The following CCDC9 variants were observed in gnomAD, a reference collection of about 807,000 sequenced individuals.
CCDC9 encodes coiled-coil domain containing 9, also known as coiled-coil domain-containing protein 9.
In CCDC9, 52 loss-of-function variants were observed where a neutral mutation model predicts 65.6. The ratio of observed to expected loss-of-function variants is 0.79; its 90% confidence interval spans 0.63 to 1.00. The LOEUF (loss-of-function observed/expected upper bound fraction) is 1.00. Among genes scored for constraint, CCDC9 ranks in the 50% least tolerant of loss-of-function variants. The pLI, the probability that CCDC9 is intolerant of heterozygous loss-of-function variation, is 0.00. For synonymous variants in CCDC9, 332 were observed against 280.3 expected (o/e 1.18, Z -1.84); for missense variants, 834 against 757.2 (o/e 1.10, Z -1.19).
chr19:47,262,969 C>T (rs2059055522), intron 5 of CCDC9, among the ~76,000 whole-genome samples: 1 of 151,604 alleles, frequency 6.6e-6, no homozygotes, highest in Non-Finnish European at 1.5e-5. Context: ...CCCTGTGGTC[C>T]CAGCTACTTA....
chr19:47,260,494 GCCCCCAGCTGTCCTGCAC>G (rs2059037705), intron 4 of CCDC9, 72 bp downstream of exon 4: 2 of 1,603,414 alleles, frequency 1.2e-6, no homozygotes, highest in Non-Finnish European at 1.7e-6. Flanking sequence ...GGACCCAGGA[GCCCCCAGCTGTCCTGCAC>G]CAGTGGGTGG....
At chr19:47,262,312 G>A (rs1170539561) in intron 5 of CCDC9, among the ~76,000 whole-genome samples, 1 of 150,306 alleles carries the variant, frequency 6.7e-6, no homozygotes, top group Non-Finnish European at 1.5e-5. Flanking sequence ...CGCCTCCTGG[G>A]TTCAAGCAAT....
rs201293674 is a variant in CCDC9, at chr19:47,271,455, C to G, written c.1373C>G (p.Thr458Ser). 1.9e-6 allele frequency: 3 copies of G among 1,613,824 alleles called. No homozygotes were observed. The highest frequency in any genetic ancestry group is 2.7e-5 in the African/African-American group (2 of 75,032). Residue 458 changes from threonine (T) to serine (S), a missense_variant, in exon 12 of 12, where the codon ACC (threonine) becomes AGC (serine). Coordinates refer to ENST00000221922, the MANE Select transcript of CCDC9 (RefSeq NM_015603.3). ...QDHQAPEAAPTGIPCSEQAHG... is the reference protein window; with the variant it reads ...QDHQAPEAAPSGIPCSEQAHG... ...CACCAAGCCCCAGAGGCTGCCCCCA[C>G]CGGGATCCCCTGCAGTGAGCAGGCC...
At chr19:47,257,191 GC>G (rs1310736534) in intron 1 of CCDC9, among the ~76,000 whole-genome samples, 1 of 152,004 alleles carries the variant, frequency 6.6e-6, no homozygotes, top group African/African-American at 2.4e-5. Flanking sequence ...CATGGGCGGG[GC>G]CAGATGCTGA....
At chr19:47,261,425 T>C (rs1318661957) in intron 5 of CCDC9, among the ~76,000 whole-genome samples, 1 of 151,906 alleles carries the variant, frequency 6.6e-6, no homozygotes. Context: ...AGGGTGGGAG[T>C]CTGTCTAGCT....
At chr19:47,273,866 CTGGGTCGCTGTGCT>C, downstream of CCDC9, 1 of 536,130 alleles carries the variant, frequency 1.9e-6, no homozygotes, top group Non-Finnish European at 2.4e-6. Flanking sequence ...AGGGGGCAGG[CTGGGTCGCTGTGCT>C]TGGCGGGCTT....
intron 10 of CCDC9, 47 bp from the exon 11 acceptor site, chr19:47,271,035 C>T: frequency 7.2e-7 from 1 of 1,396,534 alleles, no homozygotes; most frequent in Non-Finnish European, 9.8e-7. Context: ...CCCCTTCCTC[C>T]TGTCTACTCT....
At chr19:47,275,534 T>C (rs1465025834), downstream of CCDC9, 6 of 789,694 alleles carry the variant, frequency 7.6e-6, no homozygotes, top group African/African-American at 1.1e-4. Flanking sequence ...TTGCAGCTAC[T>C]CTGTGGTCAG....
At position 47,267,806 on chromosome 19, in the gene CCDC9, A is replaced by G. The variant is rs546656535; in HGVS notation, c.902+1014A>G. 1.9e-4 allele frequency among the ~76,000 whole-genome samples: 28 copies of G among 151,018 alleles called. No individual in the cohort carries two copies. In the South Asian group the frequency reaches 3.8e-3, roughly 20 times the overall value. On this transcript the variant is annotated intron_variant, in intron 8 of 11. Coordinates refer to ENST00000221922, the MANE Select transcript of CCDC9 (RefSeq NM_015603.3). ...GCCAGCCTCTGACCTGTCCCCAGCA[A>G]CTCAGATCCCTGAATGTCTCCATGC...
chr19:47,256,536 C>T lies in CCDC9; in HGVS notation c.-145C>T, dbSNP rs565970591. 1 of 152,608 alleles carries T rather than the reference C, an allele frequency of 6.6e-6. No homozygotes were observed. Among genetic ancestry groups the T allele is most frequent in the South Asian group, 2.0e-4 (1 of 4,896 alleles). 9.5% of individuals were successfully genotyped at this position (152,608 alleles called of 1,614,324 possible). A position where few individuals can be genotyped will look rare whatever the true frequency, so the allele number is the denominator to read the frequency against. ...CACGTGGTGCAGGCAGGAAGTGACG[C>T]GCCTGGCCCGGGAGCTGCGGTCGCA... On this transcript the variant is annotated 5_prime_UTR_variant, in exon 1 of 12. Transcript: ENST00000221922.
At chr19:47,258,209 C>A (rs1468793537) in intron 1 of CCDC9, 121 bp from the exon 2 acceptor site, 6 of 620,690 alleles carry the variant, frequency 9.7e-6, no homozygotes, top group African/African-American at 1.8e-5. Flanking sequence ...AGAGTGAGGG[C>A]TACAATTCTC....
At chr19:47,275,424 G>T (rs1323355673), downstream of CCDC9, 10 of 1,478,360 alleles carry the variant, frequency 6.8e-6, no homozygotes, top group Non-Finnish European at 9.0e-6. Flanking sequence ...ACCGTCTCTG[G>T]ATTGGTCCGG....
rs556398598 is a variant in CCDC9, at chr19:47,269,746, G to A, written c.903-661G>A. On this transcript the variant is annotated intron_variant, in intron 8 of 11. Transcript: ENST00000221922. ...TGGGAAGAACGTTCCAGGAGCAGGC[G>A]CTAAGGCCCTGAGGCAGGAGCTAGG... Among the ~76,000 whole-genome samples, 4 of 152,246 alleles carry A rather than the reference G, an allele frequency of 2.6e-5. No homozygotes were observed. In the East Asian group the frequency reaches 5.8e-4, roughly 22 times the overall value.
Position 47,266,738 on chromosome 19 carries a change from G to A in CCDC9, c.848G>A (p.Arg283His), listed in dbSNP as rs866950905. The A allele has an allele frequency of 2.5e-6, 4 of 1,611,858 alleles. No individual in the cohort carries two copies. Among genetic ancestry groups the A allele is most frequent in the East Asian group, 2.2e-5 (1 of 44,788 alleles). ...GACCAGGAGCGGCTGCAGAGGCACC[G>A]CAAGCCCACTGGCCAGTGGAGGCGC... ...KIDQERLQRHRKPTGQWRREW... is the reference protein window; with the variant it reads ...KIDQERLQRHHKPTGQWRREW... Residue 283 changes from arginine (R) to histidine (H), a missense_variant, in exon 8 of 12, where the codon CGC (arginine) becomes CAC (histidine). Physicochemically the swap from Arg to His is conservative, Grantham distance 29 (BLOSUM62 0). Coordinates refer to ENST00000221922, the MANE Select transcript of CCDC9 (RefSeq NM_015603.3).
In CCDC9 at chr19:47,271,068, T is replaced by G. The variant is rs752471749; in HGVS notation, c.1086-14T>G. 1.3e-6 allele frequency: 2 copies of G among 1,531,222 alleles called. No individual in the cohort carries two copies. The highest frequency in any genetic ancestry group is 1.8e-6 in the Non-Finnish European group (2 of 1,137,198). 94.9% of individuals were successfully genotyped at this position (1,531,222 alleles called of 1,614,324 possible). ...TCTCCACCCAGGCATCACCCCTCCCTCTGTTCCCTCTAGTGACCATGATGA... is the reference window on the plus strand; with the variant it reads ...TCTCCACCCAGGCATCACCCCTCCCGCTGTTCCCTCTAGTGACCATGATGA... On this transcript the variant is annotated splice_polypyrimidine_tract_variant and intron_variant, in intron 10 of 11. Transcript: ENST00000221922.
At chr19:47,270,984 G>A (rs1390917551) in intron 10 of CCDC9, 98 bp from the exon 11 acceptor site, 3 of 910,322 alleles carry the variant, frequency 3.3e-6, no homozygotes, top group African/African-American at 3.4e-5. Flanking sequence ...CATGCCAGAT[G>A]CTCTGGGCAG....
chr19:47,261,217 C>T (rs868544821), intron 5 of CCDC9, among the ~76,000 whole-genome samples: 1 of 152,102 alleles, frequency 6.6e-6, no homozygotes, highest in Middle Eastern at 3.2e-3. Context: ...TGCTTGCCCA[C>T]TCATCCTCCG....
Position 47,264,632 on chromosome 19 carries a change from TGAG to T in CCDC9, c.493_495del (p.Glu165del), listed in dbSNP as rs773990557. ...GGGAGGAGCGGCGCAGGCAGAACATTGAGAAGATGAATGAGGAGATGGAGAAGA... is the reference window on the plus strand; with the variant it reads ...GGGAGGAGCGGCGCAGGCAGAACATTAAGATGAATGAGGAGATGGAGAAGA... On this transcript the variant is annotated inframe_deletion, in exon 6 of 12. Transcript: ENST00000221922. The T allele has an allele frequency of 1.0e-5, 16 of 1,603,484 alleles. No individual in the cohort carries two copies. Among genetic ancestry groups the T allele is most frequent in the Non-Finnish European group, 1.3e-5 (15 of 1,175,226 alleles).
chr19:47,264,822 G>A lies in CCDC9; in HGVS notation c.596G>A (p.Arg199Gln), dbSNP rs769602417. The A allele has an allele frequency of 5.1e-6, 8 of 1,563,002 alleles. No individual in the cohort carries two copies. The highest frequency in any genetic ancestry group is 4.5e-5 in the East Asian group (2 of 44,300). The part of the protein sequence containing the change: ...NPVRNFLDDP[R>Q]RRSGPLEESE... ...GTGCGGAACTTCCTGGACGACCCCC[G>A]GCGACGCAGCGGGCCCCTGGAGGAG... Residue 199 changes from arginine (R) to glutamine (Q), a missense_variant, in exon 7 of 12, where the codon CGG becomes CAG. Coordinates refer to ENST00000221922, the MANE Select transcript of CCDC9 (RefSeq NM_015603.3).
Sources: gnomAD v4.1 joint callset for allele counts (sites outside exome capture counted in the v4.1 genomes callset) on GRCh38, gnomAD v4.1.1 for gene constraint, MANE v1.5 for transcripts, NCBI Gene and HGNC (gene_info 2026-07-23, HGNC 2026-07-21) for gene names.